The following ATXN1 variants were observed in gnomAD, a reference collection of about 807,000 sequenced individuals.
ATXN1 encodes the protein ataxin-1.
ATXN1 carries 8 observed loss-of-function variants against 56.4 expected under a neutral mutation model. The observed-to-expected ratio is 0.14, with a 90% CI of 0.08 to 0.26. ATXN1 has a LOEUF of 0.26. Ranked by LOEUF, ATXN1 falls within the 10% of genes least tolerant of loss-of-function variation. The probability of loss-of-function intolerance (pLI) is 1.00; values close to 1 mark genes in which losing one functional copy is unlikely to be tolerated. For missense variants in ATXN1, 987 were observed against 1,106.5 expected, an observed-to-expected ratio of 0.89 and a Z score of 1.53; for synonymous variants, 514 against 494.6, an observed-to-expected ratio of 1.04 and a Z score of -0.52.
intron 3 of ATXN1, among the ~76,000 whole-genome samples, chr6:16,618,794 G>A (rs373172104): frequency 8.8e-4 from 132 of 149,498 alleles, no homozygotes; most frequent in African/African-American, 3.2e-3. Flanking sequence ...TTATTAATAT[G>A]CTTGACTACA....
intron 6 of ATXN1, among the ~76,000 whole-genome samples, chr6:16,409,548 G>A (rs972166943): frequency 1.3e-5 from 2 of 151,554 alleles, no homozygotes; most frequent in African/African-American, 4.9e-5. Context: ...AGCTACTCGG[G>A]AGGCTGAGGC....
rs1760025933 is a variant in ATXN1 at position 16,299,425 on chromosome 6, C to G, written c.*6904G>C. 1 of 152,582 alleles carries G rather than the reference C, an allele frequency of 6.6e-6. No homozygotes were observed. Among genetic ancestry groups the G allele is most frequent in the Non-Finnish European group, 1.5e-5 (1 of 68,026 alleles). The allele number at this position is 152,582 out of a possible 1,614,324, so 9.5% of individuals were successfully genotyped here. On this transcript the variant is annotated 3_prime_UTR_variant, in exon 8 of 8. Transcript: ENST00000436367. ...AGTACAATATTTTACACTGGAATTA[C>G]AGAGAGTATGCACGCATATGGAAAA... is the stretch of plus-strand genomic sequence containing the variant.
At chr6:16,511,117 T>C (rs1326706654) in intron 5 of ATXN1, among the ~76,000 whole-genome samples, 4 of 152,092 alleles carry the variant, frequency 2.6e-5, no homozygotes, top group Non-Finnish European at 5.9e-5. Flanking sequence ...ATTTTTTTTT[T>C]CCCACGTGGT....
intron 3 of ATXN1, among the ~76,000 whole-genome samples, chr6:16,648,763 GTGAC>G (rs768567996): frequency 5.5e-4 from 84 of 152,250 alleles, no homozygotes; most frequent in Middle Eastern, 3.4e-3. Flanking sequence ...ATAAATGTTA[GTGAC>G]TGACTAATTT....
intron 6 of ATXN1, among the ~76,000 whole-genome samples, chr6:16,337,991 G>A (rs574432772): frequency 6.6e-5 from 10 of 152,196 alleles, no homozygotes; most frequent in South Asian, 6.2e-4. Context: ...CCCGATGCAT[G>A]AAGCATTCAC....
chr6:16,494,796 A>T (rs1029249787), intron 5 of ATXN1, among the ~76,000 whole-genome samples: 2 of 152,224 alleles, frequency 1.3e-5, no homozygotes, highest in African/African-American at 4.8e-5. Context: ...TAAAGACAAG[A>T]TGTCATGTGC....
At chr6:16,562,099 T>A (rs114940160) in intron 4 of ATXN1, among the ~76,000 whole-genome samples, 3,250 of 152,178 alleles carry the variant, frequency 0.021, 78 homozygotes, top group African/African-American at 0.066. Flanking sequence ...AATAGGCTGA[T>A]GCAGTGGCTC....
intron 4 of ATXN1, among the ~76,000 whole-genome samples, chr6:16,527,245 T>A (rs1362601334): frequency 6.6e-6 from 1 of 151,798 alleles, no homozygotes; most frequent in Non-Finnish European, 1.5e-5. Context: ...TCCAGGAAAA[T>A]CTCACTTTTG....
At chr6:16,612,042 G>A (rs1057114701) in intron 3 of ATXN1, among the ~76,000 whole-genome samples, 1 of 151,592 alleles carries the variant, frequency 6.6e-6, no homozygotes, top group African/African-American at 2.4e-5. Context: ...TGTATTTTTA[G>A]TAGAGACGGG....
chr6:16,341,058 A>G (rs1243752453), intron 6 of ATXN1, among the ~76,000 whole-genome samples: 2 of 152,242 alleles, frequency 1.3e-5, no homozygotes, highest in Non-Finnish European at 2.9e-5. Context: ...TCCTCAGCCC[A>G]CTGAGTGAAA....
At chr6:16,564,917 T>C (rs1561757273) in intron 4 of ATXN1, among the ~76,000 whole-genome samples, 1 of 152,144 alleles carries the variant, frequency 6.6e-6, no homozygotes, top group African/African-American at 2.4e-5. Context: ...AAGACTTTCT[T>C]CCCTGGGTGA....
At chr6:16,638,979 T>C (rs1228783490) in intron 3 of ATXN1, among the ~76,000 whole-genome samples, 1 of 152,186 alleles carries the variant, frequency 6.6e-6, no homozygotes, top group African/African-American at 2.4e-5. Flanking sequence ...CTTGGAGAAC[T>C]TTTCTGTCTT....
chr6:16,572,836 T>C (rs1581853397), intron 4 of ATXN1, among the ~76,000 whole-genome samples: 1 of 152,236 alleles, frequency 6.6e-6, no homozygotes, highest in African/African-American at 2.4e-5. Flanking sequence ...TATACTTTTA[T>C]GGCATTTTAA....
chr6:16,597,434 A>T (rs1762835065), intron 3 of ATXN1, among the ~76,000 whole-genome samples: 1 of 133,914 alleles, frequency 7.5e-6, no homozygotes, highest in Non-Finnish European at 1.6e-5. Flanking sequence ...CAAGCAGCAT[A>T]AATCTATTTT....
chr6:16,636,959 C>T lies in ATXN1; in HGVS notation c.-489+20817G>A, dbSNP rs190192994. On this transcript the variant is annotated intron_variant, in intron 3 of 7. Coordinates refer to ENST00000436367, the MANE Select transcript of ATXN1 (RefSeq NM_001128164.2). ...GTGGCGATTCCTCAAGGATCTAGAA[C>T]TAGAAATACCATTTGACCCAGCCAT... Among the ~76,000 whole-genome samples, 366 of 152,280 alleles carry T rather than the reference C, an allele frequency of 2.4e-3. 3 individuals carry two copies. Among genetic ancestry groups the T allele is most frequent in the African/African-American group, 8.2e-3 (339 of 41,550 alleles).
At chr6:16,526,777 A>AT (rs1385945553) in intron 4 of ATXN1, among the ~76,000 whole-genome samples, 6 of 151,742 alleles carry the variant, frequency 4.0e-5, no homozygotes, top group Admixed American at 1.3e-4. Flanking sequence ...AAAAAAAAAA[A>AT]AAAAGAATAT....
intron 7 of ATXN1, among the ~76,000 whole-genome samples, chr6:16,307,858 T>G (rs1581678912): frequency 6.6e-6 from 1 of 151,324 alleles, no homozygotes; most frequent in African/African-American, 2.4e-5. Flanking sequence ...GGACAGCAAA[T>G]AAGATAGTAA....
chr6:16,638,984 T>C (rs1417030713), intron 3 of ATXN1, among the ~76,000 whole-genome samples: 1 of 152,214 alleles, frequency 6.6e-6, no homozygotes, highest in African/African-American at 2.4e-5. Context: ...AGAACTTTTC[T>C]GTCTTACAAG....
At chr6:16,440,395 T>C (rs1209215613) in intron 6 of ATXN1, among the ~76,000 whole-genome samples, 1 of 145,118 alleles carries the variant, frequency 6.9e-6, no homozygotes, top group Non-Finnish European at 1.5e-5. Context: ...AGAAAACAAA[T>C]AGTTGGATAG....
Sources: allele counts gnomAD v4.1 joint callset (sites outside exome capture counted in the v4.1 genomes callset), GRCh38; gene constraint gnomAD v4.1.1; transcripts MANE v1.5; gene names NCBI Gene and HGNC (gene_info 2026-07-23, HGNC 2026-07-21).